Variants in KLF12 observed in about 807,000 individuals in gnomAD.
KLF12 encodes the protein Krueppel-like factor 12.
A neutral mutation model predicts 37.8 loss-of-function variants in KLF12; 9 were observed. That is an observed-to-expected ratio of 0.24 (90% CI 0.14 to 0.42). KLF12 has a LOEUF of 0.42. Among genes scored for constraint, KLF12 ranks in the 10% least tolerant of loss-of-function variants. The probability of loss-of-function intolerance (pLI) is 1.00; values close to 1 mark genes in which losing one functional copy is unlikely to be tolerated. For synonymous variants in KLF12, 208 were observed against 202.1 expected, an observed-to-expected ratio of 1.03 and a Z score of -0.25; for missense variants, 411 against 516.0, an observed-to-expected ratio of 0.80 and a Z score of 1.97.
At chr13:74,236,185 A>T in the KLF12 span, among the ~76,000 whole-genome samples, 1 of 143,840 alleles carries the variant, frequency 7.0e-6, no homozygotes, top group East Asian at 2.0e-4. Context: ...ATGAGTGAGA[A>T]TATGCGGTGT....
the KLF12 span, among the ~76,000 whole-genome samples, chr13:74,150,218 CTGAATGAATTAG>C: frequency 2.0e-5 from 3 of 151,986 alleles, no homozygotes; most frequent in Non-Finnish European, 4.4e-5. Context: ...TGAATTATTG[CTGAATGAATTAG>C]TGAATATCTC....
intron 1 of KLF12, among the ~76,000 whole-genome samples, chr13:74,083,943 T>C (rs938557096): frequency 6.6e-6 from 1 of 152,170 alleles, no homozygotes; most frequent in African/African-American, 2.4e-5. Context: ...TTTGGAATTA[T>C]TAGAAGAGAG....
the KLF12 span, among the ~76,000 whole-genome samples, chr13:74,171,065 A>G: frequency 6.6e-6 from 1 of 152,180 alleles, no homozygotes; most frequent in African/African-American, 2.4e-5. Flanking sequence ...ATGCCCAGCC[A>G]GTACCTTGTT....
At chr13:73,749,644 AT>A (rs1339121211) in intron 6 of KLF12, among the ~76,000 whole-genome samples, 32 of 152,214 alleles carry the variant, frequency 2.1e-4, no homozygotes, top group African/African-American at 7.2e-4. Flanking sequence ...CAGGGTGTTA[AT>A]GTAAGCCTGA....
At chr13:73,984,555 C>T (rs749364120) in intron 2 of KLF12, among the ~76,000 whole-genome samples, 4 of 152,124 alleles carry the variant, frequency 2.6e-5, no homozygotes, top group East Asian at 1.9e-4. Flanking sequence ...TCCTCTCCTG[C>T]GCTCCACTCT....
chr13:74,236,043 C>T, the KLF12 span, among the ~76,000 whole-genome samples: 1 of 149,166 alleles, frequency 6.7e-6, no homozygotes, highest in Admixed American at 6.6e-5. Flanking sequence ...GCGCTGCACC[C>T]ACTAACTCGT....
the KLF12 span, among the ~76,000 whole-genome samples, chr13:74,238,751 A>C: frequency 2.6e-5 from 4 of 151,630 alleles, no homozygotes; most frequent in Admixed American, 2.0e-4. Flanking sequence ...GTATTCTCTG[A>C]TGGTAGTTTG....
At chr13:73,956,224 T>C (rs1173655268) in intron 2 of KLF12, among the ~76,000 whole-genome samples, 2 of 152,206 alleles carry the variant, frequency 1.3e-5, no homozygotes, top group Non-Finnish European at 2.9e-5. Context: ...AGAAACAGTA[T>C]AATTTTGAAT....
At chr13:73,978,542 T>C (rs1323577768) in intron 2 of KLF12, among the ~76,000 whole-genome samples, 1 of 152,178 alleles carries the variant, frequency 6.6e-6, no homozygotes, top group Non-Finnish European at 1.5e-5. Context: ...TGGAAGACAG[T>C]TTGTTAGACT....
At chr13:73,919,592 T>C (rs1202139059) in intron 3 of KLF12, among the ~76,000 whole-genome samples, 1 of 152,170 alleles carries the variant, frequency 6.6e-6, no homozygotes, top group Non-Finnish European at 1.5e-5. Context: ...ACTGTACAGT[T>C]TGCCCTAACG....
At chr13:73,861,626 C>A (rs1885930386) in intron 3 of KLF12, among the ~76,000 whole-genome samples, 1 of 152,142 alleles carries the variant, frequency 6.6e-6, no homozygotes, top group African/African-American at 2.4e-5. Flanking sequence ...CTGGATTAAG[C>A]TATCATCTTT....
At chr13:73,906,027 T>C (rs12868634) in intron 3 of KLF12, among the ~76,000 whole-genome samples, 28,216 of 152,096 alleles carry the variant, frequency 0.19, 3,794 homozygotes, top group East Asian at 0.61. Context: ...TTAATATGTG[T>C]ATTGATTGCC....
intron 4 of KLF12, among the ~76,000 whole-genome samples, chr13:73,841,767 C>T (rs1330154436): frequency 6.6e-6 from 1 of 152,100 alleles, no homozygotes; most frequent in Non-Finnish European, 1.5e-5. Context: ...CAAAACTCTC[C>T]TCTCTATGTG....
chr13:73,768,777 G>C (rs963854213), intron 5 of KLF12, among the ~76,000 whole-genome samples: 1 of 152,090 alleles, frequency 6.6e-6, no homozygotes, highest in African/African-American at 2.4e-5. Flanking sequence ...TGAGAAAATA[G>C]GCTTAGAAGA....
chr13:74,126,019 T>C (rs1281978863), intron 1 of KLF12, among the ~76,000 whole-genome samples: 2 of 152,276 alleles, frequency 1.3e-5, no homozygotes, highest in South Asian at 2.1e-4. Flanking sequence ...AATTTCCACA[T>C]CTATGAAATA....
chr13:73,857,469 G>A (rs1885667361), intron 3 of KLF12, among the ~76,000 whole-genome samples: 1 of 152,184 alleles, frequency 6.6e-6, no homozygotes. Flanking sequence ...TGTATAAAAT[G>A]TGACGGAATT....
In KLF12 at chr13:74,125,200, A is replaced by T. The variant is rs150563983; in HGVS notation, c.-32+8539T>A. Among the ~76,000 whole-genome samples the T allele has an allele frequency of 7.5e-3, 1,135 of 151,852 alleles. 12 individuals carry two copies. The highest frequency in any genetic ancestry group is 0.026 in the African/African-American group (1,064 of 41,432). Reference sequence around the variant, plus strand: ...ACACACACACACACAGTTTATATTTAAAAAACACACTGTTTATATAAAAAG... The same window carrying T: ...ACACACACACACACAGTTTATATTTTAAAAACACACTGTTTATATAAAAAG... On this transcript the variant is annotated intron_variant, in intron 1 of 7. Transcript: ENST00000377669.
At chr13:73,708,415 T>G (rs1875112740) in intron 7 of KLF12, among the ~76,000 whole-genome samples, 1 of 152,210 alleles carries the variant, frequency 6.6e-6, no homozygotes, top group Non-Finnish European at 1.5e-5. Context: ...TTTATCTTTA[T>G]TTTGCCTTTT....
chr13:73,810,060 C>T (rs2138412227), intron 5 of KLF12, among the ~76,000 whole-genome samples: 1 of 152,186 alleles, frequency 6.6e-6, no homozygotes, highest in African/African-American at 2.4e-5. Context: ...AACTGGCCAA[C>T]ATGGTGAAAC....
Sources: gnomAD v4.1 joint callset for allele counts (sites outside exome capture counted in the v4.1 genomes callset) on GRCh38, gnomAD v4.1.1 for gene constraint, MANE v1.5 for transcripts, NCBI Gene and HGNC (gene_info 2026-07-23, HGNC 2026-07-21) for gene names.